The following PTPRQ variants were observed in gnomAD, a reference collection of about 807,000 sequenced individuals.
The protein encoded by PTPRQ is protein tyrosine phosphatase receptor type Q.
In PTPRQ, 199 loss-of-function variants were observed where a neutral mutation model predicts 246.0. The ratio of observed to expected loss-of-function variants is 0.81; its 90% CI spans 0.72 to 0.91. PTPRQ has a LOEUF of 0.91. Among genes scored for constraint, PTPRQ ranks in the 40% least tolerant of loss-of-function variants. The pLI is 0.00. For synonymous variants in PTPRQ, 869 were observed against 853.2 expected, an observed-to-expected ratio of 1.02 and a Z score of -0.32; for missense variants, 2,624 against 2,528.4, an observed-to-expected ratio of 1.04 and a Z score of -0.81.
intron 37 of PTPRQ, among the ~76,000 whole-genome samples, chr12:80,649,891 T>C (rs1358964742): frequency 1.3e-5 from 2 of 152,162 alleles, no homozygotes; most frequent in Non-Finnish European, 2.9e-5. Context: ...GGTGGTCTTC[T>C]TCAGACCTCC....
intron 7 of PTPRQ, among the ~76,000 whole-genome samples, chr12:80,470,968 AT>A (rs1166673561): frequency 1.3e-5 from 2 of 152,152 alleles, no homozygotes; most frequent in African/African-American, 2.4e-5. Flanking sequence ...ATTTAAGGAA[AT>A]ATCTAAGTAA....
chr12:80,600,275 G>T (rs941109215), intron 26 of PTPRQ, among the ~76,000 whole-genome samples: 1 of 151,614 alleles, frequency 6.6e-6, no homozygotes, highest in African/African-American at 2.4e-5. Flanking sequence ...TCTGCTTGGG[G>T]TCACACACTC....
intron 7 of PTPRQ, among the ~76,000 whole-genome samples, chr12:80,470,548 T>C (rs1893591430): frequency 2.6e-5 from 4 of 152,200 alleles, no homozygotes; most frequent in African/African-American, 7.2e-5. Flanking sequence ...CCAGGCACCA[T>C]GTAGGGCTCA....
At chr12:80,657,929 A>G in intron 38 of PTPRQ, 56 bp from the exon 39 acceptor site, 1 of 1,245,794 alleles carries the variant, frequency 8.0e-7, no homozygotes, top group Non-Finnish European at 1.1e-6. Context: ...TATAGTAAAA[A>G]AAGTAGTAAC....
intron 8 of PTPRQ, among the ~76,000 whole-genome samples, chr12:80,481,645 TCTC>T (rs1412222430): frequency 6.6e-6 from 1 of 151,954 alleles, no homozygotes. Context: ...CAGCCCAAAA[TCTC>T]CTTAATCTGA....
At chr12:80,596,676 A>G (rs893868626) in intron 26 of PTPRQ, among the ~76,000 whole-genome samples, 2 of 152,042 alleles carry the variant, frequency 1.3e-5, no homozygotes, top group Non-Finnish European at 2.9e-5. Context: ...TTTGTCTTTA[A>G]CCTCAGTTCT....
Position 80,668,571 on chromosome 12 carries a change from A to G in PTPRQ, c.6193-436A>G, listed in dbSNP as rs77986813. 5.1e-4 allele frequency among the ~76,000 whole-genome samples: 78 copies of G among 151,960 alleles called. 1 individual carries two copies. The East Asian group carries it at 7.4e-3, about 14-fold the overall frequency. Reference sequence around the variant, plus strand: ...GTTCTGGGCTCAACCTGCCTTACCAATTTTGAGATCTTGGCAAGTTACTTC... The same window carrying G: ...GTTCTGGGCTCAACCTGCCTTACCAGTTTTGAGATCTTGGCAAGTTACTTC... On this transcript the variant is annotated intron_variant, in intron 39 of 44. Transcript: ENST00000644991.
intron 8 of PTPRQ, among the ~76,000 whole-genome samples, chr12:80,482,058 G>A (rs200808755): frequency 7.9e-4 from 118 of 150,066 alleles, no homozygotes; most frequent in African/African-American, 2.8e-3. Context: ...AAAAGAGCCC[G>A]CATCGCCAAG....
rs1215908646 is a variant in PTPRQ, at chr12:80,620,377, G to GT, written c.5612+2dup. 33 of 1,548,528 alleles carry GT rather than the reference G, an allele frequency of 2.1e-5. No homozygotes were observed. The highest frequency in any genetic ancestry group is 1.4e-5 in the African/African-American group (1 of 72,784). On this transcript the variant is annotated splice_donor_variant, in intron 32 of 44. Coordinates refer to ENST00000644991, the MANE Select transcript of PTPRQ (RefSeq NM_001145026.2). LOFTEE classifies it high-confidence loss of function. ...CACTGAAACCAAAAAAGCAATACTT[G>GT]TAAGTATAGGTTATATCTACCATGC...
chr12:80,514,402 A>ACACACACACACTCCCT (rs552667526), intron 17 of PTPRQ, among the ~76,000 whole-genome samples: 1 of 112,980 alleles, frequency 8.9e-6, no homozygotes, highest in Non-Finnish European at 1.8e-5. Flanking sequence ...ACACACACAC[A>ACACACACACACTCCCT]CTCTCTCTCT....
intron 38 of PTPRQ, 130 bp downstream of exon 38, chr12:80,652,964 G>C: frequency 9.4e-7 from 1 of 1,065,068 alleles, no homozygotes; most frequent in Non-Finnish European, 1.2e-6. Flanking sequence ...TATTGGCAGT[G>C]ACTACCAAAT....
chr12:80,526,925 GA>G (rs1029794910), intron 17 of PTPRQ, among the ~76,000 whole-genome samples: 4 of 151,852 alleles, frequency 2.6e-5, no homozygotes, highest in Admixed American at 2.0e-4. Context: ...CTGATTTACT[GA>G]AAAAAATTAT....
chr12:80,648,287 G>C (rs182705160), intron 35 of PTPRQ, among the ~76,000 whole-genome samples: 2 of 151,848 alleles, frequency 1.3e-5, no homozygotes, highest in Admixed American at 1.3e-4. Context: ...TTAATGATAC[G>C]CCCCTCTCTA....
chr12:80,460,075 T>C (rs1592529506), intron 5 of PTPRQ, among the ~76,000 whole-genome samples: 1 of 152,222 alleles, frequency 6.6e-6, no homozygotes, highest in Non-Finnish European at 1.5e-5. Context: ...ATGATAAGCA[T>C]AATAATGCTT....
At position 80,472,126 on chromosome 12, in the gene PTPRQ, C is replaced by T. The variant is rs1893657852; in HGVS notation, c.1061C>T (p.Thr354Ile). ...GPSGRILDNS[T>I]KDLKFAFTNL... ...GCAGGTCGCATTTTGGATAACAGCA[C>T]AAAAGACCTCAAGTTTGCATTCACT... is the stretch of plus-strand genomic sequence containing the variant. Residue 354 changes from threonine to isoleucine, a missense_variant, in exon 8 of 45, where the codon ACA becomes ATA. By Grantham distance (89) the Thr-to-Ile change is moderately conservative. Coordinates refer to ENST00000644991, the MANE Select transcript of PTPRQ (RefSeq NM_001145026.2). 2 of 1,551,344 alleles carry T rather than the reference C, an allele frequency of 1.3e-6. No individual in the cohort carries two copies. The highest frequency in any genetic ancestry group is 4.9e-5 in the East Asian group (2 of 40,898).
intron 9 of PTPRQ, among the ~76,000 whole-genome samples, chr12:80,492,938 GGTGATCA>G: frequency 6.6e-6 from 1 of 151,960 alleles, no homozygotes; most frequent in East Asian, 1.9e-4. Context: ...ACCATTTGGG[GGTGATCA>G]GTTACAATAT....
intron 25 of PTPRQ, among the ~76,000 whole-genome samples, chr12:80,577,706 T>TG (rs1323727731): frequency 6.6e-6 from 1 of 152,176 alleles, no homozygotes; most frequent in Non-Finnish European, 1.5e-5. Context: ...GGTTTATATT[T>TG]GGGGCCCCAA....
chr12:80,669,458 T>C lies in PTPRQ; in HGVS notation c.6447T>C (p.Ile2149=), dbSNP rs1175440434. The change falls in exon 41 of 45, where the codon ATT becomes ATC. Residue 2149 remains isoleucine (I), a synonymous_variant. Coordinates refer to ENST00000644991, the MANE Select transcript of PTPRQ (RefSeq NM_001145026.2). ...QIDWTIRDLK[I]ERHGDCMTVR... Reference sequence around the variant, plus strand: ...ATTGGACTATCAGGGATCTGAAAATTGAAAGGGTAAAAAAAAAAGGGGGGG... The same window carrying C: ...ATTGGACTATCAGGGATCTGAAAATCGAAAGGGTAAAAAAAAAAGGGGGGG... The C allele has an allele frequency of 6.5e-7, 1 of 1,541,446 alleles. No homozygotes were observed. The highest frequency in any genetic ancestry group is 1.4e-5 in the African/African-American group (1 of 72,260).
rs1444623883 is a variant in PTPRQ, at chr12:80,484,495, T to C, written c.1249T>C (p.Trp417Arg). ...AGAATCCACGCAAGTAAGAATTACT[T>C]GGAAGAAACCACGACAACCAAATGG... is the stretch of plus-strand genomic sequence containing the variant. Reference protein sequence around the residue: ...EVESTQVRITWKKPRQPNGII... With the variant: ...EVESTQVRITRKKPRQPNGII... The change falls in exon 9 of 45, where the codon TGG becomes CGG. Residue 417 changes from tryptophan to arginine, a missense_variant. Transcript: ENST00000644991. The C allele has an allele frequency of 1.5e-5, 24 of 1,551,388 alleles. No homozygotes were observed. The South Asian group carries it at 1.9e-4, about 12-fold the overall frequency.
Sources: allele counts gnomAD v4.1 joint callset (sites outside exome capture counted in the v4.1 genomes callset), GRCh38; gene constraint gnomAD v4.1.1; transcripts MANE v1.5; gene names NCBI Gene and HGNC (gene_info 2026-07-23, HGNC 2026-07-21).